The following DSCAM variants were observed in gnomAD, a reference collection of about 807,000 sequenced individuals.
The protein encoded by DSCAM is cell adhesion molecule DSCAM.
Under a neutral mutation model 217.7 loss-of-function variants are expected in DSCAM, and 47 were observed. That is an observed-to-expected ratio of 0.22 (90% CI 0.17 to 0.28). DSCAM has a LOEUF of 0.28. Among genes scored for constraint, DSCAM ranks in the 10% least tolerant of loss-of-function variants. DSCAM has a pLI of 1.00. For synonymous variants in DSCAM, 1,056 were observed against 1,015.3 expected (o/e 1.04, Z -0.76); for missense variants, 2,080 against 2,618.3 (o/e 0.79, Z 4.49).
chr21:40,547,275 G>T (rs541234780), intron 3 of DSCAM, among the ~76,000 whole-genome samples: 4 of 152,134 alleles, frequency 2.6e-5, no homozygotes, highest in African/African-American at 9.6e-5. Context: ...CTTCTTACAC[G>T]CCTGCTGTTA....
chr21:40,023,240 T>C (rs1373442822), intron 32 of DSCAM, among the ~76,000 whole-genome samples: 1 of 152,174 alleles, frequency 6.6e-6, no homozygotes, highest in Admixed American at 6.5e-5. Context: ...CCATGGTGTA[T>C]ATGTGCCACA....
intron 2 of DSCAM, 148 bp from the exon 3 acceptor site, chr21:40,693,104 G>C (rs115705139): frequency 2.2e-5 from 20 of 928,594 alleles, no homozygotes; most frequent in Non-Finnish European, 2.9e-5. Context: ...TACATTTCAC[G>C]TCTTTCATCG....
intron 8 of DSCAM, among the ~76,000 whole-genome samples, chr21:40,324,132 GA>G (rs796310854): frequency 0.099 from 7,865 of 79,720 alleles, 280 homozygotes; most frequent in African/African-American, 0.18. Flanking sequence ...AAAAAAAAAA[GA>G]AAAAAAAAAG....
intron 3 of DSCAM, among the ~76,000 whole-genome samples, chr21:40,414,844 A>G (rs2075356050): frequency 6.6e-6 from 1 of 152,220 alleles, no homozygotes; most frequent in Admixed American, 6.5e-5. Flanking sequence ...CTAAAAAGAT[A>G]ATTTATCAAG....
At chr21:40,392,214 A>G (rs1030782455) in intron 3 of DSCAM, among the ~76,000 whole-genome samples, 2 of 152,208 alleles carry the variant, frequency 1.3e-5, no homozygotes, top group Admixed American at 1.3e-4. Flanking sequence ...CAAACCTATT[A>G]GTACTATAAA....
intron 2 of DSCAM, among the ~76,000 whole-genome samples, chr21:40,699,521 A>G (rs900237353): frequency 3.3e-5 from 5 of 152,242 alleles, no homozygotes; most frequent in African/African-American, 1.2e-4. Flanking sequence ...CGAGTTGTAA[A>G]TGCATAGGAA....
intron 3 of DSCAM, among the ~76,000 whole-genome samples, chr21:40,415,316 G>C (rs1473095524): frequency 2.0e-5 from 3 of 152,190 alleles, no homozygotes; most frequent in African/African-American, 7.2e-5. Flanking sequence ...GAATATAAAA[G>C]GGCACTGTCA....
intron 32 of DSCAM, among the ~76,000 whole-genome samples, chr21:40,031,427 A>G (rs949811278): frequency 1.3e-5 from 2 of 152,202 alleles, no homozygotes; most frequent in Non-Finnish European, 2.9e-5. Flanking sequence ...ATATCTCCTG[A>G]GTAAAAAGAC....
chr21:40,049,048 G>T (rs564056461), intron 30 of DSCAM, among the ~76,000 whole-genome samples: 17 of 152,326 alleles, frequency 1.1e-4, no homozygotes, highest in African/African-American at 3.9e-4. Flanking sequence ...AATTTGGAGA[G>T]TGAGGGGGGA....
At chr21:40,698,663 A>C (rs1039200158) in intron 2 of DSCAM, among the ~76,000 whole-genome samples, 1 of 152,102 alleles carries the variant, frequency 6.6e-6, no homozygotes, top group Non-Finnish European at 1.5e-5. Flanking sequence ...TGAGGTCAGG[A>C]GTTCAAGACC....
At chr21:40,141,583 A>AT (rs1407440317) in intron 18 of DSCAM, among the ~76,000 whole-genome samples, 43 of 152,148 alleles carry the variant, frequency 2.8e-4, no homozygotes, top group Non-Finnish European at 1.3e-4. Context: ...GTGCCACTGC[A>AT]CTCCAGCCTG....
intron 20 of DSCAM, among the ~76,000 whole-genome samples, chr21:40,099,010 G>C (rs1333204992): frequency 6.6e-6 from 1 of 152,156 alleles, no homozygotes; most frequent in African/African-American, 2.4e-5. Flanking sequence ...TACTTGCATT[G>C]TGTGATTCTC....
intron 1 of DSCAM, among the ~76,000 whole-genome samples, chr21:40,811,413 T>C (rs1209081259): frequency 1.3e-5 from 2 of 152,234 alleles, no homozygotes; most frequent in Admixed American, 1.3e-4. Flanking sequence ...ACCTACCAAA[T>C]ACTTGATGCT....
chr21:40,532,126 A>C (rs2076451637), intron 3 of DSCAM, among the ~76,000 whole-genome samples: 2 of 152,216 alleles, frequency 1.3e-5, no homozygotes, highest in Non-Finnish European at 2.9e-5. Context: ...AGGTCATACA[A>C]ATTAAATGGC....
chr21:40,475,492 C>T (rs1263328754), intron 3 of DSCAM, among the ~76,000 whole-genome samples: 1 of 152,196 alleles, frequency 6.6e-6, no homozygotes, highest in Admixed American at 6.5e-5. Context: ...TGATTTGAAT[C>T]ACATTTTCCT....
At chr21:40,473,178 T>C (rs2075903830) in intron 3 of DSCAM, among the ~76,000 whole-genome samples, 1 of 152,214 alleles carries the variant, frequency 6.6e-6, no homozygotes, top group South Asian at 2.1e-4. Flanking sequence ...GTAACGGCTC[T>C]TAACTTTTTA....
At chr21:40,520,757 A>T (rs536883195) in intron 3 of DSCAM, among the ~76,000 whole-genome samples, 3 of 152,178 alleles carry the variant, frequency 2.0e-5, no homozygotes, top group Non-Finnish European at 4.4e-5. Flanking sequence ...CAGTGAGCCG[A>T]GATTGTGCCA....
At chr21:40,673,317 A>G (rs1461555312) in intron 3 of DSCAM, among the ~76,000 whole-genome samples, 1 of 152,218 alleles carries the variant, frequency 6.6e-6, no homozygotes, top group African/African-American at 2.4e-5. Context: ...AAATGGAATT[A>G]GAATCCAATG....
chr21:40,800,715 C>CT (rs34391500), intron 1 of DSCAM, among the ~76,000 whole-genome samples: 17,850 of 131,056 alleles, frequency 0.14, 1,785 homozygotes, highest in African/African-American at 0.29. Flanking sequence ...TTCTTACTTT[C>CT]TTTTTTTTTT....
Sources: gnomAD v4.1 joint callset for allele counts (sites outside exome capture counted in the v4.1 genomes callset) on GRCh38, gnomAD v4.1.1 for gene constraint, MANE v1.5 for transcripts, NCBI Gene and HGNC (gene_info 2026-07-23, HGNC 2026-07-21) for gene names.